The following COTL1 variants were observed in gnomAD, a reference collection of about 807,000 sequenced individuals.
COTL1 encodes coactosin like F-actin binding protein 1.
In COTL1, 15 loss-of-function variants were observed where a neutral mutation model predicts 16.5. The observed-to-expected ratio is 0.91, with a 90% CI of 0.61 to 1.40. The LOEUF is 1.40. Among genes scored for constraint, COTL1 ranks in the 40% most tolerant of loss-of-function variants. The probability of loss-of-function intolerance (pLI) is 0.00; values close to 1 mark genes in which losing one functional copy is unlikely to be tolerated. For synonymous variants in COTL1, 112 were observed against 85.3 expected, an observed-to-expected ratio of 1.31 and a Z score of -1.73; for missense variants, 220 against 201.5, an observed-to-expected ratio of 1.09 and a Z score of -0.56.
intron 2 of COTL1, among the ~76,000 whole-genome samples, chr16:84,608,091 G>A (rs1343944654): frequency 4.6e-5 from 7 of 152,134 alleles, no homozygotes; most frequent in Non-Finnish European, 2.9e-5. Context: ...ACAAAGAAAT[G>A]ACCACTAAAT....
Position 84,617,527 on chromosome 16 carries a change from T to C in COTL1, c.134A>G (p.Tyr45Cys). The C allele has an allele frequency of 6.4e-7, 1 of 1,556,370 alleles. No individual in the cohort carries two copies. Reference protein sequence around the residue: ...TIVPGEQGAEYQHFIQQCTDD... With the variant: ...TIVPGEQGAECQHFIQQCTDD... ...TGTGCACTGCTGGATGAAGTGCTGG[T>C]ACTCCGCTCCCTGCTCGCCGGGGAC... The change falls in exon 2 of 4, where the codon TAC (tyrosine) becomes TGC (cysteine). Residue 45 changes from tyrosine (Y) to cysteine (C), a missense_variant. By Grantham distance (194) the Tyr-to-Cys change is radical. Coordinates refer to ENST00000262428, the MANE Select transcript of COTL1 (RefSeq NM_021149.5).
chr16:84,585,659 A>C (rs1904703363), intron 3 of COTL1, among the ~76,000 whole-genome samples: 1 of 152,164 alleles, frequency 6.6e-6, no homozygotes, highest in Non-Finnish European at 1.5e-5. Flanking sequence ...ATCCCCGTGA[A>C]GCAGAGGGGA....
intron 3 of COTL1, among the ~76,000 whole-genome samples, chr16:84,582,878 TC>T (rs1294362558): frequency 6.6e-6 from 1 of 152,152 alleles, no homozygotes; most frequent in Admixed American, 6.5e-5. Context: ...TGAGTCTCAC[TC>T]CCCTACACGC....
chr16:84,572,527 C>G (rs1329612648), intron 3 of COTL1, among the ~76,000 whole-genome samples: 2 of 152,052 alleles, frequency 1.3e-5, no homozygotes, highest in Non-Finnish European at 2.9e-5. Context: ...GTGGTGCGAT[C>G]TCGGCTCACT....
chr16:84,578,710 C>T (rs925491627), intron 3 of COTL1, among the ~76,000 whole-genome samples: 14 of 151,430 alleles, frequency 9.2e-5, no homozygotes, highest in African/African-American at 2.4e-4. Context: ...CACACAGGTG[C>T]ACACACACAG....
chr16:84,603,141 G>A (rs62050724), intron 2 of COTL1, among the ~76,000 whole-genome samples: 30,635 of 152,048 alleles, frequency 0.2, 3,214 homozygotes, highest in South Asian at 0.3. Flanking sequence ...TCTCTGCCTG[G>A]GAGCCCCTGG....
chr16:84,610,870 C>T (rs1905307315), intron 2 of COTL1, among the ~76,000 whole-genome samples: 1 of 151,750 alleles, frequency 6.6e-6, no homozygotes, highest in South Asian at 2.1e-4. Flanking sequence ...TCCAACCAAG[C>T]ATCTTCATGA....
At chr16:84,610,278 T>A (rs1905293118) in intron 2 of COTL1, among the ~76,000 whole-genome samples, 1 of 152,142 alleles carries the variant, frequency 6.6e-6, no homozygotes, top group African/African-American at 2.4e-5. Context: ...CAGAACCCAC[T>A]CACACTGGCC....
chr16:84,589,980 T>A (rs775433801), intron 3 of COTL1, 125 bp downstream of exon 3: 2 of 901,104 alleles, frequency 2.2e-6, no homozygotes, highest in Non-Finnish European at 3.4e-6. Flanking sequence ...TGCAGAGACA[T>A]AGCATGGCTT....
chr16:84,616,888 G>A (rs1001108008), intron 2 of COTL1, among the ~76,000 whole-genome samples: 2 of 152,162 alleles, frequency 1.3e-5, no homozygotes, highest in African/African-American at 4.8e-5. Context: ...CAGTCCGGGT[G>A]GTGTGCCCCT....
intron 2 of COTL1, among the ~76,000 whole-genome samples, chr16:84,592,905 G>A (rs1385336116): frequency 6.6e-6 from 1 of 152,126 alleles, no homozygotes; most frequent in Non-Finnish European, 1.5e-5. Context: ...TGCAGTCCAG[G>A]GTCAGGGACT....
In COTL1 at chr16:84,617,911, C is replaced by G. The variant is rs752502057; in HGVS notation, c.4G>C (p.Ala2Pro). Residue 2 changes from alanine (A) to proline (P), a missense_variant, in exon 1 of 4, where the codon GCC (alanine) becomes CCC (proline). Coordinates refer to ENST00000262428, the MANE Select transcript of COTL1 (RefSeq NM_021149.5). M[A>P]TKIDKEACRA... Reference sequence around the variant, plus strand: ...CAAGCCTCTTTGTCGATCTTGGTGGCCATCGCCGCGGAGCCGCAGCGGGAC... The same window carrying G: ...CAAGCCTCTTTGTCGATCTTGGTGGGCATCGCCGCGGAGCCGCAGCGGGAC... 1.1e-5 allele frequency: 17 copies of G among 1,554,752 alleles called. No homozygotes were observed. The highest frequency in any genetic ancestry group is 1.4e-5 in the Non-Finnish European group (16 of 1,150,454).
chr16:84,605,005 A>T (rs1475229308), intron 2 of COTL1, among the ~76,000 whole-genome samples: 3 of 152,256 alleles, frequency 2.0e-5, no homozygotes, highest in African/African-American at 4.8e-5. Context: ...TCTCCAGGGC[A>T]GGAGGGAACA....
chr16:84,615,111 T>G (rs1198732132), intron 2 of COTL1, among the ~76,000 whole-genome samples: 8 of 152,184 alleles, frequency 5.3e-5, no homozygotes, highest in Non-Finnish European at 1.2e-4. Context: ...CCCTGGGTTA[T>G]GAGGACACGA....
intron 3 of COTL1, among the ~76,000 whole-genome samples, chr16:84,586,881 C>T (rs1051477152): frequency 5.9e-5 from 9 of 152,108 alleles, no homozygotes; most frequent in African/African-American, 1.4e-4. Context: ...TGAGCCACCA[C>T]GCCTGGCCTG....
At chr16:84,611,421 AGTT>A (rs1905321479) in intron 2 of COTL1, among the ~76,000 whole-genome samples, 1 of 152,218 alleles carries the variant, frequency 6.6e-6, no homozygotes, top group African/African-American at 2.4e-5. Flanking sequence ...TTGGCATTAC[AGTT>A]GTTGTGGGAG....
chr16:84,583,398 G>A (rs1039786645), intron 3 of COTL1, among the ~76,000 whole-genome samples: 3 of 152,116 alleles, frequency 2.0e-5, no homozygotes, highest in African/African-American at 7.2e-5. Context: ...AGAGGGGAGG[G>A]GTGGCTAAAT....
chr16:84,584,549 G>A (rs1050667557), intron 3 of COTL1, among the ~76,000 whole-genome samples: 35 of 152,198 alleles, frequency 2.3e-4, no homozygotes, highest in Admixed American at 1.8e-3. Flanking sequence ...GCAAGTGTGG[G>A]TGAGGCCAGA....
At chr16:84,586,968 C>T (rs1194007626) in intron 3 of COTL1, among the ~76,000 whole-genome samples, 3 of 152,182 alleles carry the variant, frequency 2.0e-5, no homozygotes, top group Non-Finnish European at 4.4e-5. Flanking sequence ...GTGTACACAT[C>T]CTGGCGAGCC....
Sources: allele counts gnomAD v4.1 joint callset (sites outside exome capture counted in the v4.1 genomes callset), GRCh38; gene constraint gnomAD v4.1.1; transcripts MANE v1.5; gene names NCBI Gene and HGNC (gene_info 2026-07-23, HGNC 2026-07-21).